The following KHDRBS2 variants were observed in gnomAD, a reference collection of about 807,000 sequenced individuals.
KHDRBS2 encodes the protein KH domain-containing, RNA-binding, signal transduction-associated protein 2.
Under a neutral mutation model 44.3 loss-of-function variants are expected in KHDRBS2, and 26 were observed. The ratio of observed to expected loss-of-function variants is 0.59; its 90% CI spans 0.43 to 0.81. KHDRBS2 has a LOEUF of 0.81. Among genes scored for constraint, KHDRBS2 ranks in the 40% least tolerant of loss-of-function variants. The probability of loss-of-function intolerance (pLI) is 0.00; values close to 1 mark genes in which losing one functional copy is unlikely to be tolerated. For synonymous variants in KHDRBS2, 194 were observed against 151.1 expected (o/e 1.28, Z -2.08); for missense variants, 476 against 433.1 (o/e 1.10, Z -0.88).
At chr6:61,597,788 G>T in the KHDRBS2 span, among the ~76,000 whole-genome samples, 2 of 59,574 alleles carry the variant, frequency 3.4e-5, no homozygotes, top group African/African-American at 5.4e-5. Context: ...CAAGATTATT[G>T]CCACCGGGAA....
chr6:61,955,094 A>G (rs1430720234), intron 4 of KHDRBS2, among the ~76,000 whole-genome samples: 2 of 123,968 alleles, frequency 1.6e-5, no homozygotes, highest in African/African-American at 2.8e-5. Context: ...ATGCATACAT[A>G]TATGTATATA....
chr6:61,757,438 C>T (rs1046036108), intron 6 of KHDRBS2, among the ~76,000 whole-genome samples: 1 of 152,038 alleles, frequency 6.6e-6, no homozygotes, highest in Admixed American at 6.6e-5. Context: ...TACTTTTTTG[C>T]ATCCTTTATA....
At chr6:61,943,115 GA>G (rs1554283276) in intron 4 of KHDRBS2, among the ~76,000 whole-genome samples, 1 of 149,654 alleles carries the variant, frequency 6.7e-6, no homozygotes, top group African/African-American at 2.5e-5. Context: ...AGAAAGAAAA[GA>G]AAAAAGAAAA....
chr6:61,997,953 T>C (rs1777528969), intron 3 of KHDRBS2, among the ~76,000 whole-genome samples: 1 of 152,140 alleles, frequency 6.6e-6, no homozygotes, highest in Non-Finnish European at 1.5e-5. Flanking sequence ...AACAAAGAAA[T>C]TGGAGCCTAA....
intron 6 of KHDRBS2, among the ~76,000 whole-genome samples, chr6:61,827,202 G>A (rs1791019746): frequency 6.6e-6 from 1 of 152,128 alleles, no homozygotes; most frequent in Non-Finnish European, 1.5e-5. Context: ...CTCTGCACTA[G>A]ACGACTTGCA....
chr6:61,889,127 G>A (rs1322834018), intron 6 of KHDRBS2, among the ~76,000 whole-genome samples: 1 of 152,082 alleles, frequency 6.6e-6, no homozygotes, highest in African/African-American at 2.4e-5. Flanking sequence ...TTATGTAATA[G>A]TTACCTTTTA....
rs879616166 is a variant in KHDRBS2 at position 62,001,383 on chromosome 6, A to AT, written c.337-23172dup. On this transcript the variant is annotated intron_variant, in intron 3 of 8. Coordinates refer to ENST00000281156, the MANE Select transcript of KHDRBS2 (RefSeq NM_152688.4). ...AAAATTGAAATCCTTACAATCATTC[A>AT]TTTTTTTTTTTTTACATATTGGTGC... is the stretch of plus-strand genomic sequence containing the variant. 8.1e-3 allele frequency among the ~76,000 whole-genome samples: 1,177 copies of AT among 144,968 alleles called. 7 individuals carry two copies. Among genetic ancestry groups the AT allele is most frequent in the African/African-American group, 0.015 (580 of 39,836 alleles).
At chr6:61,559,746 T>C in the KHDRBS2 span, among the ~76,000 whole-genome samples, 1 of 152,186 alleles carries the variant, frequency 6.6e-6, no homozygotes, top group African/African-American at 2.4e-5. Context: ...TTTTGTTGTT[T>C]CTCTTCATAT....
At chr6:61,890,613 A>C (rs928074779) in intron 6 of KHDRBS2, among the ~76,000 whole-genome samples, 32 of 152,234 alleles carry the variant, frequency 2.1e-4, no homozygotes, top group African/African-American at 7.2e-4. Context: ...TTTGGAGGAC[A>C]AAAACACCAT....
chr6:62,266,192 T>C (rs1325642753), intron 1 of KHDRBS2, among the ~76,000 whole-genome samples: 2 of 152,042 alleles, frequency 1.3e-5, no homozygotes, highest in Non-Finnish European at 2.9e-5. Context: ...ATTAAAATAA[T>C]CTTACATTAT....
In KHDRBS2 at chr6:61,792,576, T is replaced by C. The variant is rs549515990; in HGVS notation, c.811-59812A>G. Among the ~76,000 whole-genome samples, 3 of 151,830 alleles carry C rather than the reference T, an allele frequency of 2.0e-5. No individual in the cohort carries two copies. In the East Asian group the frequency reaches 5.8e-4, roughly 29 times the overall value. On this transcript the variant is annotated intron_variant, in intron 6 of 8. Coordinates refer to ENST00000281156, the MANE Select transcript of KHDRBS2 (RefSeq NM_152688.4). ...CATAGAGTATATCGTTGTAGAGTGA[T>C]AGTTTTTTTTTACTTTTGGCACTCT...
At chr6:62,012,855 T>G (rs904340939) in intron 3 of KHDRBS2, among the ~76,000 whole-genome samples, 1 of 152,220 alleles carries the variant, frequency 6.6e-6, no homozygotes, top group African/African-American at 2.4e-5. Context: ...TTTTCCTGTT[T>G]GCTTGCTTAT....
chr6:61,945,876 G>GA (rs5876762), intron 4 of KHDRBS2, among the ~76,000 whole-genome samples: 5 of 151,810 alleles, frequency 3.3e-5, no homozygotes, highest in Admixed American at 6.6e-5. Context: ...TTCCCACTTA[G>GA]AAAAAAACAC....
chr6:61,698,598 C>T (rs1360537781), intron 7 of KHDRBS2, among the ~76,000 whole-genome samples: 1 of 151,990 alleles, frequency 6.6e-6, no homozygotes, highest in African/African-American at 2.4e-5. Flanking sequence ...CATATTAGCT[C>T]CCTACTCAAA....
chr6:61,893,090 A>G (rs1028214274), intron 6 of KHDRBS2, among the ~76,000 whole-genome samples: 1 of 152,218 alleles, frequency 6.6e-6, no homozygotes, highest in Non-Finnish European at 1.5e-5. Flanking sequence ...TGGGCAAAGG[A>G]TATGAACAGA....
intron 1 of KHDRBS2, among the ~76,000 whole-genome samples, chr6:62,238,459 G>T (rs1834054472): frequency 1.3e-5 from 2 of 151,840 alleles, no homozygotes; most frequent in Non-Finnish European, 2.9e-5. Flanking sequence ...ATATTTAAAA[G>T]GATACCTATT....
At chr6:61,748,231 C>T (rs1322791856) in intron 6 of KHDRBS2, among the ~76,000 whole-genome samples, 4 of 152,166 alleles carry the variant, frequency 2.6e-5, no homozygotes, top group South Asian at 2.1e-4. Flanking sequence ...CCTCATGATC[C>T]GCCTGCCTTG....
intron 6 of KHDRBS2, chr6:61,816,832 T>G (rs1394165206): frequency 5.1e-6 from 2 of 392,790 alleles, no homozygotes; most frequent in Non-Finnish European, 1.0e-5. Context: ...TATTTTAGTG[T>G]GAAAAATATT....
chr6:61,955,733 C>CACTG (rs1389876048), intron 4 of KHDRBS2, among the ~76,000 whole-genome samples: 2 of 3,640 alleles, frequency 5.5e-4, no homozygotes, highest in South Asian at 0.021. Context: ...CATATATAGA[C>CACTG]AGAGAGAGAG....
Sources: gnomAD v4.1 joint callset for allele counts (sites outside exome capture counted in the v4.1 genomes callset) on GRCh38, gnomAD v4.1.1 for gene constraint, MANE v1.5 for transcripts, NCBI Gene and HGNC (gene_info 2026-07-23, HGNC 2026-07-21) for gene names.